RFC3: variants seen among roughly 807,000 people sequenced by gnomAD.
RFC3 encodes replication factor C subunit 3, also known as A1 38 kDa subunit.
In RFC3, 41 loss-of-function variants were observed where a neutral mutation model predicts 45.1. That is an observed-to-expected ratio of 0.91 (90% confidence interval 0.71 to 1.18). The LOEUF (loss-of-function observed/expected upper bound fraction) is 1.18, where lower values mean the gene tolerates loss of function less well. RFC3 is among the 50% of genes most tolerant of loss of function. The pLI, the probability that RFC3 is intolerant of heterozygous loss-of-function variation, is 0.00. For missense variants in RFC3, 423 were observed against 428.1 expected (o/e 0.99, Z 0.10); for synonymous variants, 149 against 144.0 (o/e 1.03, Z -0.25).
the RFC3 span, among the ~76,000 whole-genome samples, chr13:33,976,243 A>C: frequency 6.6e-6 from 1 of 152,286 alleles, no homozygotes; most frequent in East Asian, 1.9e-4. Flanking sequence ...AGATATACAC[A>C]ATGGAATATT....
intron 8 of RFC3, among the ~76,000 whole-genome samples, chr13:33,921,736 G>A (rs2082770157): frequency 6.6e-6 from 1 of 152,046 alleles, no homozygotes; most frequent in Non-Finnish European, 1.5e-5. Context: ...ACCCTCTGGG[G>A]TTTCTTTGAG....
intron 8 of RFC3, chr13:33,835,442 A>G: frequency 1.4e-6 from 1 of 696,244 alleles, no homozygotes; most frequent in East Asian, 2.8e-5. Context: ...TGGTGTGAAA[A>G]GGAGAACAAA....
intron 1 of RFC3, 87 bp from the exon 2 acceptor site, chr13:33,821,045 A>G (rs2081998098): frequency 1.5e-6 from 2 of 1,347,798 alleles, no homozygotes; most frequent in African/African-American, 1.5e-5. Flanking sequence ...GTAGACACAT[A>G]AAATATTTGT....
At chr13:33,888,174 T>C (rs557747080) in intron 8 of RFC3, among the ~76,000 whole-genome samples, 1 of 152,326 alleles carries the variant, frequency 6.6e-6, no homozygotes, top group East Asian at 1.9e-4. Context: ...AGAAAGTCAT[T>C]GGTAGCTTGA....
At chr13:33,894,399 G>A (rs1349286690) in intron 8 of RFC3, among the ~76,000 whole-genome samples, 2 of 152,186 alleles carry the variant, frequency 1.3e-5, no homozygotes, top group African/African-American at 4.8e-5. Context: ...TTACCTCACA[G>A]GAGACCTCGT....
At chr13:33,891,548 A>G (rs9315265) in intron 8 of RFC3, among the ~76,000 whole-genome samples, 7,418 of 152,284 alleles carry the variant, frequency 0.049, 266 homozygotes, top group Non-Finnish European at 0.073. Flanking sequence ...TTAAAATCAA[A>G]TCCTTTTAAG....
Position 33,924,674 on chromosome 13 carries a change from T to TTA in RFC3, c.880-41403_880-41402dup, listed in dbSNP as rs932755595. ...ATCAATGTGTGTGTATATATATATATTATATATATATGTATACCATCATTG... is the reference window on the plus strand; with the variant it reads ...ATCAATGTGTGTGTATATATATATATTATATATATATATGTATACCATCATTG... On this transcript the variant is annotated intron_variant, in intron 8 of 8. Coordinates refer to the RFC3 transcript ENST00000434425. Among the ~76,000 whole-genome samples, 10 of 147,108 alleles carry TTA rather than the reference T, an allele frequency of 6.8e-5. No homozygotes were observed. The East Asian group carries it at 1.4e-3, about 20-fold the overall frequency.
chr13:33,944,748 A>C (rs538053418), intron 8 of RFC3, among the ~76,000 whole-genome samples: 1 of 152,176 alleles, frequency 6.6e-6, no homozygotes, highest in East Asian at 1.9e-4. Flanking sequence ...GTATTGCCCC[A>C]CCCACACGCA....
intron 8 of RFC3, among the ~76,000 whole-genome samples, chr13:33,939,750 A>G (rs568123769): frequency 1.2e-4 from 19 of 152,252 alleles, no homozygotes; most frequent in Non-Finnish European, 2.5e-4. Flanking sequence ...TGGAGTCTGT[A>G]CTAACTCTGG....
chr13:33,831,241 C>T lies in RFC3; in HGVS notation c.711-15C>T, dbSNP rs545332001. ...ACTTCTGTTTAACTTCTTGTGTTCT[C>T]TTTTTGTCATGTAGATATCCTTTTA... On this transcript the variant is annotated splice_polypyrimidine_tract_variant and intron_variant, in intron 6 of 8. Coordinates refer to ENST00000380071, the MANE Select transcript of RFC3 (RefSeq NM_002915.4). 1.1e-4 allele frequency: 165 copies of T among 1,495,068 alleles called. 1 individual carries two copies. In the East Asian group the frequency reaches 3.2e-3, roughly 29 times the overall value. The allele number at this position is 1,495,068 out of a possible 1,614,324, so 92.6% of individuals were successfully genotyped here. A position where few individuals can be genotyped will look rare whatever the true frequency, so the allele number is the denominator to read the frequency against.
At chr13:33,910,268 A>G (rs1185844468) in intron 8 of RFC3, among the ~76,000 whole-genome samples, 4 of 152,096 alleles carry the variant, frequency 2.6e-5, no homozygotes, top group African/African-American at 7.2e-5. Flanking sequence ...TTGGACTCTG[A>G]AATTGGATAG....
At chr13:33,835,363 G>A in intron 8 of RFC3, 146 bp downstream of exon 8, 1 of 745,996 alleles carries the variant, frequency 1.3e-6, no homozygotes, top group Non-Finnish European at 2.5e-6. Context: ...TCTATGGTGT[G>A]CCAGGCACTA....
chr13:33,927,503 C>G (rs2082821543), intron 8 of RFC3, among the ~76,000 whole-genome samples: 1 of 152,088 alleles, frequency 6.6e-6, no homozygotes, highest in Non-Finnish European at 1.5e-5. Flanking sequence ...AACAGTGGAT[C>G]TGGTGAGTGT....
intron 8 of RFC3, among the ~76,000 whole-genome samples, chr13:33,886,681 T>C (rs2082526512): frequency 2.0e-5 from 3 of 150,962 alleles, no homozygotes; most frequent in African/African-American, 7.3e-5. Context: ...ATGTGCACAA[T>C]GTGCAGGTTA....
chr13:33,961,478 C>T (rs1158027204), intron 8 of RFC3, among the ~76,000 whole-genome samples: 1 of 152,102 alleles, frequency 6.6e-6, no homozygotes, highest in African/African-American at 2.4e-5. Flanking sequence ...TTCCTAGAAA[C>T]AGAAATAGAA....
intron 8 of RFC3, among the ~76,000 whole-genome samples, chr13:33,903,099 GA>G (rs1200757239): frequency 2.0e-5 from 3 of 151,898 alleles, no homozygotes; most frequent in Non-Finnish European, 4.4e-5. Flanking sequence ...TCTGTAGCCT[GA>G]AAGGCTCCAC....
chr13:33,936,111 A>G (rs1216988860), intron 8 of RFC3, among the ~76,000 whole-genome samples: 1 of 152,150 alleles, frequency 6.6e-6, no homozygotes, highest in Non-Finnish European at 1.5e-5. Context: ...GGAGGCAGGA[A>G]GAAGCAGAAA....
chr13:33,961,745 C>T (rs2083058459), intron 8 of RFC3, among the ~76,000 whole-genome samples: 1 of 152,134 alleles, frequency 6.6e-6, no homozygotes, highest in Admixed American at 6.5e-5. Flanking sequence ...ACAGCACAGT[C>T]AGAAAGCCCA....
intron 8 of RFC3, among the ~76,000 whole-genome samples, chr13:33,956,008 A>G (rs1363226291): frequency 6.6e-6 from 1 of 152,252 alleles, no homozygotes; most frequent in Non-Finnish European, 1.5e-5. Context: ...GAAAAAATTA[A>G]CAAAGTTTAA....
Sources: allele counts gnomAD v4.1 joint callset (sites outside exome capture counted in the v4.1 genomes callset), GRCh38; gene constraint gnomAD v4.1.1; transcripts MANE v1.5; gene names NCBI Gene and HGNC (gene_info 2026-07-23, HGNC 2026-07-21).